The following GRM8 variants were observed in gnomAD, a reference collection of about 807,000 sequenced individuals.
GRM8 encodes glutamate metabotropic receptor 8, also known as metabotropic glutamate receptor 8.
In GRM8, 47 loss-of-function variants were observed where a neutral mutation model predicts 87.2. The ratio of observed to expected loss-of-function variants is 0.54; its 90% confidence interval spans 0.43 to 0.69. The LOEUF is 0.69. GRM8 is among the 30% of genes least tolerant of loss of function. The pLI is 0.00. For missense variants in GRM8, 1,019 were observed against 1,139.2 expected (o/e 0.89, Z 1.52); for synonymous variants, 396 against 404.5 (o/e 0.98, Z 0.25).
At chr7:127,004,699 C>G (rs1408665661) in intron 3 of GRM8, among the ~76,000 whole-genome samples, 2 of 151,510 alleles carry the variant, frequency 1.3e-5, no homozygotes. Context: ...ATCCTTTTAC[C>G]TATACATATA....
intron 3 of GRM8, among the ~76,000 whole-genome samples, chr7:126,910,745 A>G (rs893292323): frequency 3.3e-5 from 5 of 152,202 alleles, no homozygotes; most frequent in African/African-American, 1.2e-4. Context: ...AAACAATGCC[A>G]TTTCAGAATT....
intron 6 of GRM8, among the ~76,000 whole-genome samples, chr7:126,877,384 A>G (rs566713651): frequency 6.6e-4 from 100 of 152,340 alleles, no homozygotes; most frequent in Non-Finnish European, 1.4e-3. Context: ...TGGTTTTAAA[A>G]TGTATACTAA....
At chr7:127,125,197 G>A (rs1310200799) in intron 2 of GRM8, among the ~76,000 whole-genome samples, 1 of 152,034 alleles carries the variant, frequency 6.6e-6, no homozygotes, top group Non-Finnish European at 1.5e-5. Flanking sequence ...AAGAATAAGA[G>A]CAAATTTGAA....
intron 3 of GRM8, among the ~76,000 whole-genome samples, chr7:126,983,051 A>C (rs1154323): frequency 0.73 from 111,278 of 152,064 alleles, 40,851 homozygotes; most frequent in East Asian, 0.96. Flanking sequence ...ATCACCCCAG[A>C]CAGCACTGTA....
At chr7:126,806,236 G>A (rs1444272381) in intron 6 of GRM8, among the ~76,000 whole-genome samples, 3 of 152,050 alleles carry the variant, frequency 2.0e-5, no homozygotes, top group Admixed American at 1.3e-4. Flanking sequence ...AGACCTTCCC[G>A]GTGAGTGCTA....
At chr7:126,981,968 A>G (rs2131863228) in intron 3 of GRM8, among the ~76,000 whole-genome samples, 1 of 132,060 alleles carries the variant, frequency 7.6e-6, no homozygotes, top group South Asian at 2.1e-4. Context: ...GGATAAATAC[A>G]TCTATATCTA....
intron 3 of GRM8, among the ~76,000 whole-genome samples, chr7:126,945,565 G>C (rs919916522): frequency 1.3e-5 from 2 of 152,082 alleles, no homozygotes; most frequent in African/African-American, 4.8e-5. Flanking sequence ...GTATAAAACT[G>C]CCTTCAGTCT....
At chr7:127,199,690 G>T (rs1228531781) in intron 2 of GRM8, among the ~76,000 whole-genome samples, 1 of 152,158 alleles carries the variant, frequency 6.6e-6, no homozygotes, top group Non-Finnish European at 1.5e-5. Context: ...ACTGACTGTT[G>T]TTAAAAATGA....
chr7:126,790,063 A>G (rs1008965647), intron 6 of GRM8, among the ~76,000 whole-genome samples: 1 of 151,316 alleles, frequency 6.6e-6, no homozygotes, highest in Non-Finnish European at 1.5e-5. Flanking sequence ...GCTGGAGTGC[A>G]ATGGCACAAT....
chr7:127,068,994 C>T (rs1821410704), intron 3 of GRM8, among the ~76,000 whole-genome samples: 1 of 152,088 alleles, frequency 6.6e-6, no homozygotes, highest in African/African-American at 2.4e-5. Context: ...TATAGGGCTT[C>T]CCTGCTTTTG....
chr7:126,647,989 T>C (rs779231911), intron 7 of GRM8, among the ~76,000 whole-genome samples: 15 of 152,166 alleles, frequency 9.9e-5, no homozygotes, highest in Non-Finnish European at 1.8e-4. Context: ...TCCAAAACAA[T>C]GAACAATTTA....
intron 7 of GRM8, among the ~76,000 whole-genome samples, chr7:126,746,124 A>G (rs1201861231): frequency 2.0e-5 from 3 of 151,756 alleles, no homozygotes; most frequent in Non-Finnish European, 4.4e-5. Flanking sequence ...TTTTCAGCTC[A>G]CCAGGGAAAA....
chr7:126,980,664 C>G (rs1403905181), intron 3 of GRM8, among the ~76,000 whole-genome samples: 1 of 152,118 alleles, frequency 6.6e-6, no homozygotes, highest in African/African-American at 2.4e-5. Context: ...AGGCATTCGC[C>G]CTTGGAAGAT....
intron 10 of GRM8, among the ~76,000 whole-genome samples, chr7:126,440,410 CAAAAAAA>C (rs35828454): frequency 4.0e-5 from 3 of 75,434 alleles, no homozygotes; most frequent in South Asian, 6.9e-4. Flanking sequence ...GACTCCATCT[CAAAAAAA>C]AAAAAAAAAA....
At chr7:126,772,601 A>G (rs891754545) in intron 6 of GRM8, among the ~76,000 whole-genome samples, 1 of 152,144 alleles carries the variant, frequency 6.6e-6, no homozygotes, top group African/African-American at 2.4e-5. Flanking sequence ...GCAATCCTCA[A>G]AAATACCACT....
intron 7 of GRM8, among the ~76,000 whole-genome samples, chr7:126,622,807 T>C (rs929073692): frequency 1.3e-5 from 2 of 152,296 alleles, no homozygotes; most frequent in African/African-American, 2.4e-5. Context: ...CATGGTAAAA[T>C]TGTGTTCATT....
intron 3 of GRM8, among the ~76,000 whole-genome samples, chr7:127,067,810 A>G (rs1038187754): frequency 1.3e-5 from 2 of 152,222 alleles, no homozygotes; most frequent in African/African-American, 2.4e-5. Context: ...AATCACTGTT[A>G]CAATAATCTT....
Position 127,128,864 on chromosome 7 carries a change from C to A in GRM8, c.511-22152G>T, listed in dbSNP as rs560238199. On this transcript the variant is annotated intron_variant, in intron 2 of 10. Transcript: ENST00000339582. ...CCTTCTGAATTTGTTCTTCTCCAGT[C>A]AGCTTTTGGATGGCAGCTGCCACAG... Among the ~76,000 whole-genome samples, 144 of 152,234 alleles carry A rather than the reference C, an allele frequency of 9.5e-4. 1 individual carries two copies. The highest frequency in any genetic ancestry group is 6.8e-3 in the Middle Eastern group (2 of 294).
intron 7 of GRM8, among the ~76,000 whole-genome samples, chr7:126,689,962 G>C (rs1400285683): frequency 6.6e-6 from 1 of 152,126 alleles, no homozygotes; most frequent in Non-Finnish European, 1.5e-5. Flanking sequence ...ATTCTCTATA[G>C]AGCAGATTAT....
Sources: allele counts gnomAD v4.1 joint callset (sites outside exome capture counted in the v4.1 genomes callset), GRCh38; gene constraint gnomAD v4.1.1; transcripts MANE v1.5; gene names NCBI Gene and HGNC (gene_info 2026-07-23, HGNC 2026-07-21).